CALN1: variants seen among roughly 807,000 people sequenced by gnomAD.
CALN1 encodes the protein calneuron 1.
Under a neutral mutation model 30.6 loss-of-function variants are expected in CALN1, and 17 were observed. The observed-to-expected ratio is 0.56, with a 90% CI of 0.38 to 0.83. CALN1 has a LOEUF of 0.83. CALN1 is among the 40% of genes least tolerant of loss of function. CALN1 has a pLI of 0.00. For missense variants in CALN1, 291 were observed against 354.9 expected (o/e 0.82, Z 1.45); for synonymous variants, 156 against 131.4 (o/e 1.19, Z -1.28).
At chr7:71,944,235 C>T (rs2129523165) in intron 5 of CALN1, among the ~76,000 whole-genome samples, 2 of 152,056 alleles carry the variant, frequency 1.3e-5, no homozygotes, top group South Asian at 4.2e-4. Flanking sequence ...TCACTTGAGC[C>T]CAGGAGTTCA....
At chr7:72,111,334 G>A (rs1301458630) in intron 3 of CALN1, among the ~76,000 whole-genome samples, 3 of 152,350 alleles carry the variant, frequency 2.0e-5, no homozygotes, top group East Asian at 3.9e-4. Context: ...AATCAAAGTT[G>A]GCGTTCCCAC....
intron 3 of CALN1, among the ~76,000 whole-genome samples, chr7:72,239,370 T>G (rs1047447650): frequency 6.6e-6 from 1 of 152,118 alleles, no homozygotes; most frequent in Non-Finnish European, 1.5e-5. Flanking sequence ...CACTCCAGCC[T>G]GGACAACAGA....
chr7:72,089,105 A>G (rs1805680625), intron 4 of CALN1, among the ~76,000 whole-genome samples: 1 of 152,178 alleles, frequency 6.6e-6, no homozygotes, highest in Non-Finnish European at 1.5e-5. Flanking sequence ...TAAATTGAAA[A>G]TAATAAAAGT....
At chr7:71,834,044 A>G (rs756237290) in intron 5 of CALN1, among the ~76,000 whole-genome samples, 1 of 152,106 alleles carries the variant, frequency 6.6e-6, no homozygotes, top group Non-Finnish European at 1.5e-5. Flanking sequence ...CAACATGGTG[A>G]AACCCCATCT....
In CALN1 at chr7:72,022,920, T is replaced by TA. The variant is rs3065006; in HGVS notation, c.501+736dup. ...AAACAAAAAATAAAATAAATAAAAT[T>TA]AAAAAAAAAAAAAAAAGAAATTTAA... On this transcript the variant is annotated intron_variant, in intron 5 of 6. Coordinates refer to ENST00000395275, the MANE Select transcript of CALN1 (RefSeq NM_031468.4). Among the ~76,000 whole-genome samples, 1,144 of 125,756 alleles carry TA rather than the reference T, an allele frequency of 9.1e-3. 9 individuals carry two copies. The highest frequency in any genetic ancestry group is 0.023 in the African/African-American group (764 of 33,498). 82.5% of individuals were successfully genotyped at this position (125,756 alleles called of 152,430 possible). A position where few individuals can be genotyped will look rare whatever the true frequency, so the allele number is the denominator to read the frequency against.
chr7:71,798,307 TTTTATTTATTTA>T (rs55949827), intron 6 of CALN1, among the ~76,000 whole-genome samples: 1 of 150,294 alleles, frequency 6.7e-6, no homozygotes, highest in African/African-American at 2.5e-5. Flanking sequence ...CCAAACTATA[TTTTATTTATTTA>T]TTTATTTATT....
chr7:72,169,492 T>TA lies in CALN1; in HGVS notation c.245-63199_245-63198insT, dbSNP rs1409142649. On this transcript the variant is annotated intron_variant, in intron 3 of 6. Coordinates refer to ENST00000395275, the MANE Select transcript of CALN1 (RefSeq NM_031468.4). ...ATGCCACCACACCCAGCTGATTATT[T>TA]TTTTTTTTTTTTCAGATACAGAATC... is the stretch of plus-strand genomic sequence containing the variant. Among the ~76,000 whole-genome samples, 164 of 88,262 alleles carry TA rather than the reference T, an allele frequency of 1.9e-3. 3 individuals are homozygous for TA. The Middle Eastern group carries it at 0.026, about 14-fold the overall frequency. The allele number at this position is 88,262 out of a possible 152,430, so 57.9% of individuals were successfully genotyped here. A position where few individuals can be genotyped will look rare whatever the true frequency, so the allele number is the denominator to read the frequency against.
intron 4 of CALN1, among the ~76,000 whole-genome samples, chr7:72,104,889 G>A (rs181914415): frequency 5.9e-5 from 9 of 152,180 alleles, no homozygotes; most frequent in Non-Finnish European, 1.0e-4. Flanking sequence ...ACCGGGAGGC[G>A]GAGGCTGCAG....
At chr7:72,089,294 G>C (rs943117273) in intron 4 of CALN1, among the ~76,000 whole-genome samples, 1 of 151,998 alleles carries the variant, frequency 6.6e-6, no homozygotes, top group East Asian at 1.9e-4. Context: ...TCACTAAAGA[G>C]GGTAAAAGTA....
Position 71,914,301 on chromosome 7 carries a change from A to T in CALN1, c.502-103809T>A, listed in dbSNP as rs1489857471. Among the ~76,000 whole-genome samples the T allele has an allele frequency of 2.6e-5, 4 of 152,114 alleles. No homozygotes were observed. The South Asian group carries it at 8.3e-4, about 32-fold the overall frequency. On this transcript the variant is annotated intron_variant, in intron 5 of 6. Transcript: ENST00000395275. Reference sequence around the variant, plus strand: ...CTCCCACTTATAAGTAAGAACATGCAGTATTTGGTTTTCTGTTCCTGCGTT... The same window carrying T: ...CTCCCACTTATAAGTAAGAACATGCTGTATTTGGTTTTCTGTTCCTGCGTT...
chr7:72,257,083 A>G (rs1795963394), intron 3 of CALN1, among the ~76,000 whole-genome samples: 2 of 152,182 alleles, frequency 1.3e-5, no homozygotes, highest in African/African-American at 2.4e-5. Context: ...GAAACTTACA[A>G]TCATGGCAGA....
intron 5 of CALN1, among the ~76,000 whole-genome samples, chr7:72,015,877 G>T (rs1213653946): frequency 1.3e-5 from 2 of 152,176 alleles, no homozygotes; most frequent in Admixed American, 6.6e-5. Context: ...TGTGGGGAAT[G>T]AAGGCTTGCT....
chr7:72,336,745 C>A lies in CALN1; in HGVS notation c.120-57935G>T, dbSNP rs1207597384. ...GCTCCGCAGCCCGGCAGCCGAGGCGCCTCCGCACAGCGCGGGGGGCTTCCT... is the reference window on the plus strand; with the variant it reads ...GCTCCGCAGCCCGGCAGCCGAGGCGACTCCGCACAGCGCGGGGGGCTTCCT... On this transcript the variant is annotated intron_variant, in intron 2 of 6. Transcript: ENST00000395275. 3 of 985,250 alleles carry A rather than the reference C, an allele frequency of 3.0e-6. No individual in the cohort carries two copies. The East Asian group carries it at 3.4e-4, about 112-fold the overall frequency. The allele number at this position is 985,250 out of a possible 1,614,324, so 61.0% of individuals were successfully genotyped here.
At chr7:72,017,170 TAAA>T (rs58672373) in intron 5 of CALN1, among the ~76,000 whole-genome samples, 14,344 of 87,806 alleles carry the variant, frequency 0.16, 1,243 homozygotes, top group East Asian at 0.36. Flanking sequence ...TCTCAAAAAT[TAAA>T]AAAAAAAAAA....
chr7:72,059,987 C>A (rs577536969), intron 4 of CALN1, among the ~76,000 whole-genome samples: 1 of 152,174 alleles, frequency 6.6e-6, no homozygotes, highest in African/African-American at 2.4e-5. Context: ...AAAGTACCAC[C>A]AAACCAGCAA....
chr7:72,312,923 C>T lies in CALN1; in HGVS notation c.120-34113G>A, dbSNP rs574477716. ...AATCTCGGCTCACTGCAACCTCCAC[C>T]TCCCGGGTTCAAATGATTCTCCTGC... On this transcript the variant is annotated intron_variant, in intron 2 of 6. Transcript: ENST00000395275. Among the ~76,000 whole-genome samples the T allele has an allele frequency of 2.0e-3, 305 of 152,180 alleles. 2 individuals are homozygous for T. Among genetic ancestry groups the T allele is most frequent in the Middle Eastern group, 0.017 (5 of 294 alleles).
chr7:71,846,273 A>C (rs1329431350), intron 5 of CALN1, among the ~76,000 whole-genome samples: 1 of 152,158 alleles, frequency 6.6e-6, no homozygotes, highest in Admixed American at 6.6e-5. Flanking sequence ...TAAGTGATGT[A>C]ATTGTTGCCG....
At chr7:72,074,575 T>C (rs844749) in intron 4 of CALN1, among the ~76,000 whole-genome samples, 36,280 of 152,028 alleles carry the variant, frequency 0.24, 4,390 homozygotes, top group Admixed American at 0.29. Context: ...TCCAGACTAA[T>C]TTTTGTATTT....
chr7:72,320,286 G>A (rs1029271979), intron 2 of CALN1, among the ~76,000 whole-genome samples: 1 of 152,170 alleles, frequency 6.6e-6, no homozygotes, highest in African/African-American at 2.4e-5. Flanking sequence ...CAAAACGGTA[G>A]AGCAATCCAG....
Sources: gnomAD v4.1 joint callset for allele counts (sites outside exome capture counted in the v4.1 genomes callset) on GRCh38, gnomAD v4.1.1 for gene constraint, MANE v1.5 for transcripts, NCBI Gene and HGNC (gene_info 2026-07-23, HGNC 2026-07-21) for gene names.